Variants in KCNN2 observed in about 807,000 individuals in gnomAD.
The protein encoded by KCNN2 is small conductance calcium-activated potassium channel protein 2.
Under a neutral mutation model 55.5 loss-of-function variants are expected in KCNN2, and 24 were observed. The observed-to-expected ratio is 0.43, with a 90% confidence interval of 0.31 to 0.61. KCNN2 has a LOEUF of 0.61. KCNN2 is among the 20% of genes least tolerant of loss of function. The pLI, the probability that KCNN2 is intolerant of heterozygous loss-of-function variation, is 0.08. For missense variants in KCNN2, 754 were observed against 853.6 expected (o/e 0.88, Z 1.45); for synonymous variants, 431 against 336.1 (o/e 1.28, Z -3.09).
Position 114,356,825 on chromosome 5 carries a change from G to C in KCNN2, c.-184-4120G>C, listed in dbSNP as rs1757301805. On this transcript the variant is annotated intron_variant, in intron 2 of 10. Transcript: ENST00000512097. ...TTTCTTATAAAGTGGGGCAATGTGT[G>C]ATTTAAAAATAATGGTGTTTTTAGG... Among the ~76,000 whole-genome samples the C allele has an allele frequency of 2.0e-5, 3 of 152,010 alleles. No homozygotes were observed. In the South Asian group the frequency reaches 6.2e-4, roughly 32 times the overall value.
At chr5:114,235,596 G>A (rs56159886) in intron 2 of KCNN2, among the ~76,000 whole-genome samples, 11,985 of 152,126 alleles carry the variant, frequency 0.079, 488 homozygotes, top group Middle Eastern at 0.11. Context: ...TATTACCAAC[G>A]TGTATACATG....
chr5:114,385,890 G>A (rs1177585196), intron 2 of KCNN2, among the ~76,000 whole-genome samples: 4 of 151,692 alleles, frequency 2.6e-5, no homozygotes, highest in African/African-American at 7.3e-5. Flanking sequence ...CTTAAAGTAG[G>A]TATTAAGGCC....
chr5:114,488,728 A>G (rs965283307), intron 6 of KCNN2, among the ~76,000 whole-genome samples: 2 of 152,112 alleles, frequency 1.3e-5, no homozygotes, highest in African/African-American at 2.4e-5. Context: ...CAACTCTCCT[A>G]TTAGAGTGGT....
chr5:114,263,270 C>G (rs1755146196), intron 2 of KCNN2, among the ~76,000 whole-genome samples: 1 of 152,158 alleles, frequency 6.6e-6, no homozygotes, highest in African/African-American at 2.4e-5. Flanking sequence ...CTCAAGAAAC[C>G]TGAGAGACAT....
Position 114,247,723 on chromosome 5 carries a change from CAA to C in KCNN2, c.-185+26159_-185+26160del, listed in dbSNP as rs111883114. 5.4e-3 allele frequency among the ~76,000 whole-genome samples: 825 copies of C among 152,104 alleles called. 5 individuals are homozygous for C. The highest frequency in any genetic ancestry group is 0.019 in the African/African-American group (784 of 41,484). Reference sequence around the variant, plus strand: ...AAGTAGTAGCTTAGATTTAATGAAACAAGAGTAAATGATTTAATCCATGGAAA... The same window carrying C: ...AAGTAGTAGCTTAGATTTAATGAAACGAGTAAATGATTTAATCCATGGAAA... On this transcript the variant is annotated intron_variant, in intron 2 of 10. Coordinates refer to the KCNN2 transcript ENST00000512097.
chr5:114,460,796 T>C (rs555711367), intron 3 of KCNN2, among the ~76,000 whole-genome samples: 1 of 152,216 alleles, frequency 6.6e-6, no homozygotes, highest in Non-Finnish European at 1.5e-5. Context: ...TCAGTAAGTA[T>C]GGTATGTACA....
intron 2 of KCNN2, among the ~76,000 whole-genome samples, chr5:114,289,669 A>T (rs1343692574): frequency 6.6e-6 from 1 of 152,108 alleles, no homozygotes; most frequent in African/African-American, 2.4e-5. Context: ...AAGCCACCGC[A>T]CCTGGCCTGA....
chr5:114,260,024 A>G (rs1346068031), intron 2 of KCNN2, among the ~76,000 whole-genome samples: 1 of 152,182 alleles, frequency 6.6e-6, no homozygotes, highest in Admixed American at 6.5e-5. Flanking sequence ...TTTCCCTCCC[A>G]GCCCTCGTCT....
At chr5:114,192,407 C>A (rs78580640) in intron 1 of KCNN2, among the ~76,000 whole-genome samples, 381 of 152,172 alleles carry the variant, frequency 2.5e-3, no homozygotes, top group African/African-American at 8.8e-3. Flanking sequence ...CTATTCACTC[C>A]CTATGTATGT....
intron 5 of KCNN2, among the ~76,000 whole-genome samples, chr5:114,484,110 T>C (rs1762349015): frequency 1.3e-5 from 2 of 152,310 alleles, no homozygotes; most frequent in South Asian, 4.1e-4. Context: ...ATAAATTATA[T>C]GTGCTGTGGT....
At chr5:114,218,555 CA>C (rs1754057866) in intron 1 of KCNN2, among the ~76,000 whole-genome samples, 1 of 152,104 alleles carries the variant, frequency 6.6e-6, no homozygotes, top group African/African-American at 2.4e-5. Flanking sequence ...ATGTAGACAG[CA>C]AAAAGGTCAG....
intron 2 of KCNN2, among the ~76,000 whole-genome samples, chr5:114,322,636 CAG>C (rs1023380118): frequency 4.0e-5 from 6 of 151,546 alleles, no homozygotes; most frequent in African/African-American, 9.7e-5. Context: ...AGCTGAGTAA[CAG>C]AGTATTTTAA....
At chr5:114,336,342 G>A (rs1407390830) in intron 2 of KCNN2, among the ~76,000 whole-genome samples, 1 of 152,128 alleles carries the variant, frequency 6.6e-6, no homozygotes, top group East Asian at 1.9e-4. Context: ...TGATATCTAG[G>A]TTTTTGAAAA....
chr5:114,247,432 A>G (rs1377783433), intron 2 of KCNN2, among the ~76,000 whole-genome samples: 1 of 152,108 alleles, frequency 6.6e-6, no homozygotes, highest in Non-Finnish European at 1.5e-5. Flanking sequence ...TTAGATTTTG[A>G]ACTCTTGTTT....
At chr5:114,304,594 G>T (rs1275783103) in intron 2 of KCNN2, among the ~76,000 whole-genome samples, 1 of 152,176 alleles carries the variant, frequency 6.6e-6, no homozygotes, top group Non-Finnish European at 1.5e-5. Flanking sequence ...TGCCTCAAAA[G>T]GTGTGGCCTT....
intron 1 of KCNN2, among the ~76,000 whole-genome samples, chr5:114,078,917 G>C (rs984088096): frequency 6.6e-6 from 1 of 152,110 alleles, no homozygotes; most frequent in African/African-American, 2.4e-5. Context: ...ACAATTATTA[G>C]CAAGAAAGAA....
intron 4 of KCNN2, among the ~76,000 whole-genome samples, chr5:114,463,700 C>T (rs933316466): frequency 1.3e-5 from 2 of 152,148 alleles, no homozygotes; most frequent in Non-Finnish European, 2.9e-5. Flanking sequence ...GCCCTGCCTT[C>T]ATGGAGCTTA....
intron 3 of KCNN2, among the ~76,000 whole-genome samples, chr5:114,420,642 G>A (rs1207878512): frequency 6.6e-6 from 1 of 152,164 alleles, no homozygotes; most frequent in Non-Finnish European, 1.5e-5. Flanking sequence ...AAAAGAAGAC[G>A]CTATAATTTG....
chr5:114,313,421 C>T (rs1756443390), intron 2 of KCNN2, among the ~76,000 whole-genome samples: 2 of 152,100 alleles, frequency 1.3e-5, no homozygotes, highest in Non-Finnish European at 2.9e-5. Flanking sequence ...GAAACAAAGC[C>T]AGCAACTAAA....
Sources: allele counts gnomAD v4.1 joint callset (sites outside exome capture counted in the v4.1 genomes callset), GRCh38; gene constraint gnomAD v4.1.1; transcripts MANE v1.5; gene names NCBI Gene and HGNC (gene_info 2026-07-23, HGNC 2026-07-21).